Variants in MR1 observed in about 807,000 individuals in gnomAD.
The protein encoded by MR1 is major histocompatibility complex class I-related protein 1.
A neutral mutation model predicts 37.8 loss-of-function variants in MR1; 44 were observed. The observed-to-expected ratio is 1.16, with a 90% confidence interval of 0.91 to 1.50. The LOEUF is 1.50. MR1 is among the 40% of genes most tolerant of loss of function. The pLI, the probability that MR1 is intolerant of heterozygous loss-of-function variation, is 0.00. For synonymous variants in MR1, 153 were observed against 155.8 expected, an observed-to-expected ratio of 0.98 and a Z score of 0.13; for missense variants, 386 against 419.1, an observed-to-expected ratio of 0.92 and a Z score of 0.69.
chr1:181,035,790 C>T (rs377556170), intron 1 of MR1, among the ~76,000 whole-genome samples: 11 of 152,276 alleles, frequency 7.2e-5, no homozygotes, highest in African/African-American at 2.6e-4. Context: ...TTCTGGCCCT[C>T]GGTCCAGGGC....
At chr1:181,041,637 T>C (rs1190924511) in intron 1 of MR1, among the ~76,000 whole-genome samples, 1 of 152,216 alleles carries the variant, frequency 6.6e-6, no homozygotes, top group African/African-American at 2.4e-5. Context: ...GCATGTTCTT[T>C]CCAGGGGCCT....
At chr1:181,049,783 G>A (rs1027780105) in intron 2 of MR1, 8 of 567,786 alleles carry the variant, frequency 1.4e-5, no homozygotes, top group African/African-American at 3.7e-5. Flanking sequence ...ACTCCCCAAG[G>A]CGGGAATTAG....
At chr1:181,045,567 C>T (rs1470668698) in intron 1 of MR1, among the ~76,000 whole-genome samples, 7 of 152,142 alleles carry the variant, frequency 4.6e-5, no homozygotes, top group South Asian at 2.1e-4. Context: ...TACTCACCTC[C>T]TACCTGTCCC....
intron 1 of MR1, among the ~76,000 whole-genome samples, chr1:181,044,819 G>A (rs781321738): frequency 5.9e-5 from 9 of 152,226 alleles, no homozygotes; most frequent in Non-Finnish European, 1.0e-4. Context: ...GTTTGTGGCT[G>A]AGCCTGAATA....
chr1:181,047,924 A>G (rs1179233768), intron 1 of MR1, among the ~76,000 whole-genome samples: 1 of 150,366 alleles, frequency 6.7e-6, no homozygotes, highest in Non-Finnish European at 1.5e-5. Context: ...TAAAAAATAA[A>G]TAAAATAAAT....
At chr1:181,050,727 C>T (rs1658265113) in intron 3 of MR1, 1 of 210,126 alleles carries the variant, frequency 4.8e-6, no homozygotes, top group Non-Finnish European at 9.7e-6. Flanking sequence ...CATGATGGCT[C>T]ATGCCTGTAA....
chr1:181,055,349 AG>A lies in MR1; in HGVS notation c.*86del, dbSNP rs1266390946. On this transcript the variant is annotated 3_prime_UTR_variant, in exon 6 of 6. Transcript: ENST00000367580. The stretch of plus-strand genomic sequence containing the variant: ...CCATAGAGTCAAGCCTAGTGCTTGA[AG>A]GTCCTGACGACACCCACAACATACA... 1.1e-5 allele frequency: 14 copies of A among 1,281,566 alleles called. No homozygotes were observed. Among genetic ancestry groups the A allele is most frequent in the Non-Finnish European group, 1.5e-5 (13 of 883,754 alleles). The allele number at this position is 1,281,566 out of a possible 1,614,324, so 79.4% of individuals were successfully genotyped here.
At position 181,061,010 on chromosome 1, in the gene MR1, G is replaced by C. The variant is rs1251182523; in HGVS notation, c.*5745G>C. ...CTGTGGCTTCAGGGGAATGCACCAA[G>C]GCTCTCATTGAGGCCACCTTCTCCA... On this transcript the variant is annotated 3_prime_UTR_variant, in exon 6 of 6. Transcript: ENST00000367580. The C allele has an allele frequency of 6.6e-6, 1 of 152,376 alleles. No homozygotes were observed. The highest frequency in any genetic ancestry group is 1.5e-5 in the Non-Finnish European group (1 of 68,178). The allele number at this position is 152,376 out of a possible 1,614,324, so 9.4% of individuals were successfully genotyped here. A position where few individuals can be genotyped will look rare whatever the true frequency, so the allele number is the denominator to read the frequency against.
chr1:181,046,872 C>G (rs553541808), intron 1 of MR1, among the ~76,000 whole-genome samples: 32 of 152,256 alleles, frequency 2.1e-4, no homozygotes, highest in African/African-American at 7.2e-4. Context: ...AGCTGTAACA[C>G]TCACTGCGAA....
At chr1:181,044,982 A>G (rs1657773400) in intron 1 of MR1, among the ~76,000 whole-genome samples, 1 of 152,224 alleles carries the variant, frequency 6.6e-6, no homozygotes, top group Non-Finnish European at 1.5e-5. Context: ...CCAGAACTTC[A>G]CACAGTGTGA....
In MR1 at chr1:181,050,390, C is replaced by G. The variant is rs192945085; in HGVS notation, c.604+104C>G. On this transcript the variant is annotated intron_variant, in intron 3 of 5. Coordinates refer to ENST00000367580, the MANE Select transcript of MR1 (RefSeq NM_001385161.1). The stretch of plus-strand genomic sequence containing the variant: ...ATCCACTGTATCCTGAAAGCCATCT[C>G]TTTAGTTGGCCTATTGTGATCTCAT... The G allele has an allele frequency of 6.2e-6, 9 of 1,441,630 alleles. No individual in the cohort carries two copies. In the East Asian group the frequency reaches 2.1e-4, roughly 33 times the overall value. The allele number at this position is 1,441,630 out of a possible 1,614,324, so 89.3% of individuals were successfully genotyped here.
chr1:181,055,627 G>T lies in MR1; in HGVS notation c.*362G>T, dbSNP rs1221684885. The T allele has an allele frequency of 3.8e-6, 1 of 260,818 alleles. No homozygotes were observed. The allele number at this position is 260,818 out of a possible 1,614,324, so 16.2% of individuals were successfully genotyped here. ...TCAACCAGAGCAGGAACTGTCTTCTGCAATGCCTTGGACTTGAGCCTCCAG... is the reference window on the plus strand; with the variant it reads ...TCAACCAGAGCAGGAACTGTCTTCTTCAATGCCTTGGACTTGAGCCTCCAG... On this transcript the variant is annotated 3_prime_UTR_variant, in exon 6 of 6. Coordinates refer to ENST00000367580, the MANE Select transcript of MR1 (RefSeq NM_001385161.1).
chr1:181,052,232 T>G lies in MR1; in HGVS notation c.605-3T>G, dbSNP rs373246951. 6.2e-7 allele frequency: 1 copy of G among 1,612,526 alleles called. No homozygotes were observed. Among genetic ancestry groups the G allele is most frequent in the Non-Finnish European group, 8.5e-7 (1 of 1,178,960 alleles). Reference sequence around the variant, plus strand: ...TGATTTAACTTTAGCTTCTTCTTCCTAGAGCCCCCACTGGTCAGAGTAAAT... The same window carrying G: ...TGATTTAACTTTAGCTTCTTCTTCCGAGAGCCCCCACTGGTCAGAGTAAAT... On this transcript the variant is annotated splice_region_variant and splice_polypyrimidine_tract_variant and intron_variant, in intron 3 of 5. Transcript: ENST00000367580.
chr1:181,047,661 G>A (rs1485218383), intron 1 of MR1, among the ~76,000 whole-genome samples: 2 of 151,576 alleles, frequency 1.3e-5, no homozygotes, highest in African/African-American at 4.9e-5. Context: ...ACTTTGGGAG[G>A]CCAAGGCAGG....
intron 1 of MR1, among the ~76,000 whole-genome samples, chr1:181,036,149 C>A (rs796772380): frequency 1.1e-4 from 16 of 152,256 alleles, no homozygotes; most frequent in African/African-American, 3.9e-4. Flanking sequence ...TAGCTATGTT[C>A]TTCTGTAATG....
At chr1:181,048,326 G>C (rs941552761) in intron 1 of MR1, among the ~76,000 whole-genome samples, 1 of 152,038 alleles carries the variant, frequency 6.6e-6, no homozygotes, top group Non-Finnish European at 1.5e-5. Flanking sequence ...ATGAGGTCAG[G>C]AGTTTGAGAC....
rs917846156 is a variant in MR1 at position 181,058,580 on chromosome 1, T to C, written c.*3315T>C. The C allele has an allele frequency of 2.6e-5, 4 of 152,256 alleles. No individual in the cohort carries two copies. The highest frequency in any genetic ancestry group is 9.7e-5 in the African/African-American group (4 of 41,450). 9.4% of individuals were successfully genotyped at this position (152,256 alleles called of 1,614,324 possible). On this transcript the variant is annotated 3_prime_UTR_variant, in exon 6 of 6. Transcript: ENST00000367580. ...TTTCCAAGTTGTGATCCTTTCCTTA[T>C]TTCTGAGGAATGACTTGGTTTCTCC...
rs1361340799 is a variant in MR1 at position 181,058,943 on chromosome 1, T to G, written c.*3678T>G. 6.6e-6 allele frequency: 1 copy of G among 152,248 alleles called. No individual in the cohort carries two copies. Among genetic ancestry groups the G allele is most frequent in the Non-Finnish European group, 1.5e-5 (1 of 68,046 alleles). The allele number at this position is 152,248 out of a possible 1,614,324, so 9.4% of individuals were successfully genotyped here. On this transcript the variant is annotated 3_prime_UTR_variant, in exon 6 of 6. Transcript: ENST00000367580. ...ACTAAATCACAATCTGTAGAGTGCT[T>G]GATGACCCCAGAATTGGTGCAAGGG...
intron 1 of MR1, among the ~76,000 whole-genome samples, chr1:181,045,382 G>A (rs1305545316): frequency 1.3e-5 from 2 of 152,088 alleles, no homozygotes; most frequent in South Asian, 2.1e-4. Flanking sequence ...TTCTCAGCCT[G>A]GGCTCCACCT....
Sources: allele counts gnomAD v4.1 joint callset (sites outside exome capture counted in the v4.1 genomes callset), GRCh38; gene constraint gnomAD v4.1.1; transcripts MANE v1.5; gene names NCBI Gene and HGNC (gene_info 2026-07-23, HGNC 2026-07-21).